Variants in SNAP91 observed in about 807,000 individuals in gnomAD.
The protein encoded by SNAP91 is synaptosome associated protein 91.
Under a neutral mutation model 100.3 loss-of-function variants are expected in SNAP91, and 27 were observed. The observed-to-expected ratio is 0.27, with a 90% CI of 0.20 to 0.37. SNAP91 has a LOEUF of 0.37. Among genes scored for constraint, SNAP91 ranks in the 10% least tolerant of loss-of-function variants. SNAP91 has a pLI of 1.00. For synonymous variants in SNAP91, 404 were observed against 398.6 expected, an observed-to-expected ratio of 1.01 and a Z score of -0.16; for missense variants, 986 against 1,123.7, an observed-to-expected ratio of 0.88 and a Z score of 1.75.
intron 26 of SNAP91, among the ~76,000 whole-genome samples, chr6:83,573,137 T>A (rs1426923385): frequency 6.6e-6 from 1 of 152,052 alleles, no homozygotes; most frequent in African/African-American, 2.4e-5. Flanking sequence ...TATTGATAGG[T>A]AAAGAGAGCC....
intron 22 of SNAP91, among the ~76,000 whole-genome samples, chr6:83,583,255 C>T (rs1045417009): frequency 6.6e-5 from 10 of 152,170 alleles, no homozygotes; most frequent in Admixed American, 1.3e-4. Flanking sequence ...CCCCCTGCTA[C>T]TCTCATTACA....
chr6:83,598,370 C>T (rs909073869), intron 16 of SNAP91, among the ~76,000 whole-genome samples: 1 of 152,108 alleles, frequency 6.6e-6, no homozygotes, highest in African/African-American at 2.4e-5. Context: ...GAACTACCTA[C>T]ATTGAAAGGA....
In SNAP91 at chr6:83,577,338, C is replaced by A. The variant is rs1027094559; in HGVS notation, c.2300-1285G>T. Among the ~76,000 whole-genome samples the A allele has an allele frequency of 3.9e-5, 6 of 151,956 alleles. No homozygotes were observed. In the South Asian group the frequency reaches 8.3e-4, roughly 21 times the overall value. ...TGAACACCAAATATAAAAATGATTA[C>A]CCATAATTTTAGTTTTTTTAAAAGA... is the stretch of plus-strand genomic sequence containing the variant. On this transcript the variant is annotated intron_variant, in intron 24 of 29. Coordinates refer to ENST00000369694, the MANE Select transcript of SNAP91 (RefSeq NM_001242792.2).
At chr6:83,676,732 GT>G (rs1421719416) in intron 2 of SNAP91, among the ~76,000 whole-genome samples, 1 of 152,150 alleles carries the variant, frequency 6.6e-6, no homozygotes, top group Non-Finnish European at 1.5e-5. Flanking sequence ...TGTGAGTCAA[GT>G]TTTATTTTGA....
chr6:83,634,213 G>A (rs2097336073), intron 8 of SNAP91, among the ~76,000 whole-genome samples: 1 of 152,142 alleles, frequency 6.6e-6, no homozygotes. Context: ...TGTAAGGCCA[G>A]GCAAAAACGG....
chr6:83,667,455 T>G (rs1586573225), intron 2 of SNAP91, among the ~76,000 whole-genome samples: 1 of 152,130 alleles, frequency 6.6e-6, no homozygotes, highest in African/African-American at 2.4e-5. Context: ...GAGTAAGAAA[T>G]TAAAAAGATT....
chr6:83,631,600 T>C (rs1400747339), intron 8 of SNAP91, among the ~76,000 whole-genome samples: 1 of 152,190 alleles, frequency 6.6e-6, no homozygotes, highest in Admixed American at 6.6e-5. Context: ...TGTCCTTTTT[T>C]TGTCTTTTTT....
chr6:83,658,258 T>G (rs2098455023), intron 6 of SNAP91, among the ~76,000 whole-genome samples: 1 of 152,178 alleles, frequency 6.6e-6, no homozygotes, highest in Non-Finnish European at 1.5e-5. Flanking sequence ...AATTCACTAA[T>G]TTATCTAAGA....
At chr6:83,673,828 T>C (rs1181664358) in intron 2 of SNAP91, among the ~76,000 whole-genome samples, 1 of 152,156 alleles carries the variant, frequency 6.6e-6, no homozygotes, top group Non-Finnish European at 1.5e-5. Flanking sequence ...CCCTTGTAGC[T>C]AGATATGTAA....
At chr6:83,679,590 C>T (rs1167785508) in intron 2 of SNAP91, among the ~76,000 whole-genome samples, 1 of 152,102 alleles carries the variant, frequency 6.6e-6, no homozygotes, top group African/African-American at 2.4e-5. Context: ...AGATCCTTGA[C>T]CAGGCCAACC....
chr6:83,664,370 A>G (rs2098633848), intron 3 of SNAP91, among the ~76,000 whole-genome samples: 1 of 152,164 alleles, frequency 6.6e-6, no homozygotes, highest in Non-Finnish European at 1.5e-5. Flanking sequence ...AAGATTGACC[A>G]TTCTAGATGC....
At chr6:83,605,268 G>T (rs2095538521) in intron 14 of SNAP91, among the ~76,000 whole-genome samples, 1 of 152,016 alleles carries the variant, frequency 6.6e-6, no homozygotes, top group Admixed American at 6.6e-5. Context: ...AAAGAATCCA[G>T]GAACGAGGCT....
chr6:83,614,888 A>G, intron 10 of SNAP91, 26 bp from the exon 11 acceptor site: 3 of 1,580,778 alleles, frequency 1.9e-6, no homozygotes, highest in South Asian at 1.1e-5. Context: ...AAGCACAAAC[A>G]TACAAAGAAG....
chr6:83,621,649 G>C (rs1269571568), intron 9 of SNAP91, among the ~76,000 whole-genome samples: 5 of 152,086 alleles, frequency 3.3e-5, no homozygotes, highest in Non-Finnish European at 7.4e-5. Context: ...TACTTTCAAT[G>C]ACATGCTCTC....
chr6:83,610,511 A>C, intron 12 of SNAP91, 139 bp downstream of exon 12: 2 of 262,948 alleles, frequency 7.6e-6, no homozygotes, highest in South Asian at 2.4e-4. Context: ...AAAGATAAAA[A>C]AAAAAGTTCC....
intron 8 of SNAP91, among the ~76,000 whole-genome samples, chr6:83,633,366 G>A (rs1331901383): frequency 1.3e-5 from 2 of 152,186 alleles, no homozygotes; most frequent in Non-Finnish European, 2.9e-5. Context: ...CCTGCCAGGA[G>A]GTGGCACTTT....
chr6:83,555,131 A>G (rs1356331211), intron 29 of SNAP91, among the ~76,000 whole-genome samples: 6 of 152,176 alleles, frequency 3.9e-5, no homozygotes, highest in African/African-American at 2.4e-5. Flanking sequence ...ACATTAGCCA[A>G]TCCAAAGTGG....
intron 7 of SNAP91, among the ~76,000 whole-genome samples, chr6:83,641,940 G>A (rs561459680): frequency 5.3e-5 from 8 of 152,176 alleles, no homozygotes; most frequent in South Asian, 2.1e-4. Context: ...CAATATGAGA[G>A]TATAATTTTT....
chr6:83,580,396 A>G (rs568730121), intron 24 of SNAP91, 54 bp downstream of exon 24: 23 of 1,540,610 alleles, frequency 1.5e-5, no homozygotes, highest in Admixed American at 4.0e-5. Flanking sequence ...AGAAACAAAA[A>G]ACAATTCACA....
Sources: allele counts gnomAD v4.1 joint callset (sites outside exome capture counted in the v4.1 genomes callset), GRCh38; gene constraint gnomAD v4.1.1; transcripts MANE v1.5; gene names NCBI Gene and HGNC (gene_info 2026-07-23, HGNC 2026-07-21).